The following DPP10 variants were observed in gnomAD, a reference collection of about 807,000 sequenced individuals.
DPP10 encodes the protein dipeptidyl peptidase like 10.
In DPP10, 33 loss-of-function variants were observed where a neutral mutation model predicts 120.9. That is an observed-to-expected ratio of 0.27 (90% CI 0.21 to 0.37). DPP10 has a LOEUF of 0.37. Among genes scored for constraint, DPP10 ranks in the 10% least tolerant of loss-of-function variants. DPP10 has a pLI of 1.00. For synonymous variants in DPP10, 337 were observed against 326.1 expected, an observed-to-expected ratio of 1.03 and a Z score of -0.36; for missense variants, 816 against 942.8, an observed-to-expected ratio of 0.87 and a Z score of 1.76.
intron 2 of DPP10, among the ~76,000 whole-genome samples, chr2:115,338,759 A>G (rs1467004015): frequency 2.0e-5 from 3 of 152,238 alleles, no homozygotes; most frequent in Non-Finnish European, 4.4e-5. Context: ...ACAAAACTTC[A>G]TATTAAGCCT....
chr2:115,091,888 G>T (rs1313211886), intron 1 of DPP10, among the ~76,000 whole-genome samples: 1 of 152,150 alleles, frequency 6.6e-6, no homozygotes, highest in African/African-American at 2.4e-5. Flanking sequence ...GCTGAAAATA[G>T]TCACAGTGGA....
Position 115,519,448 on chromosome 2 carries a change from T to C in DPP10, c.367-6450T>C, listed in dbSNP as rs141486307. 7.4e-3 allele frequency among the ~76,000 whole-genome samples: 1,125 copies of C among 152,248 alleles called. 6 individuals are homozygous for C. The highest frequency in any genetic ancestry group is 0.025 in the African/African-American group (1,031 of 41,552). On this transcript the variant is annotated intron_variant, in intron 4 of 25. Coordinates refer to ENST00000410059, the MANE Select transcript of DPP10 (RefSeq NM_020868.6). ...ATATATAGAGAGAGCATCTATTATG[T>C]TTACAAAATATAGATATTGCAGATG...
intron 15 of DPP10, among the ~76,000 whole-genome samples, chr2:115,778,722 C>T (rs371472775): frequency 7.9e-5 from 12 of 152,030 alleles, no homozygotes; most frequent in African/African-American, 2.7e-4. Flanking sequence ...TAAAGTACCC[C>T]GACTTCCTCT....
chr2:114,947,238 C>T (rs1477297071), intron 1 of DPP10, among the ~76,000 whole-genome samples: 1 of 151,828 alleles, frequency 6.6e-6, no homozygotes, highest in African/African-American at 2.4e-5. Flanking sequence ...GATTGTTGTT[C>T]CTTTATGTTA....
chr2:115,155,066 TA>T (rs201829547), intron 1 of DPP10, among the ~76,000 whole-genome samples: 35 of 148,984 alleles, frequency 2.3e-4, no homozygotes, highest in African/African-American at 4.5e-4. Flanking sequence ...TAATTTTATT[TA>T]TTTTTTTTTT....
intron 1 of DPP10, among the ~76,000 whole-genome samples, chr2:115,133,541 TA>T (rs1287705221): frequency 6.6e-6 from 1 of 152,136 alleles, no homozygotes; most frequent in Non-Finnish European, 1.5e-5. Flanking sequence ...ATGGAGTACT[TA>T]ATGCCAAAAA....
At chr2:115,147,900 A>G (rs1228996155) in intron 1 of DPP10, among the ~76,000 whole-genome samples, 5 of 152,160 alleles carry the variant, frequency 3.3e-5, no homozygotes, top group African/African-American at 9.7e-5. Flanking sequence ...TTTTTGGTAG[A>G]TAGGGAAACC....
At chr2:114,728,106 A>G (rs1321558939) in intron 1 of DPP10, among the ~76,000 whole-genome samples, 2 of 152,298 alleles carry the variant, frequency 1.3e-5, no homozygotes, top group African/African-American at 4.8e-5. Context: ...AAAGACTTAG[A>G]ACAGTGTAGA....
intron 5 of DPP10, among the ~76,000 whole-genome samples, chr2:115,639,390 A>G (rs898752936): frequency 1.3e-5 from 2 of 152,188 alleles, no homozygotes; most frequent in Non-Finnish European, 2.9e-5. Context: ...ACCTAGGACA[A>G]TTAGGAAGTA....
chr2:115,370,628 A>T (rs946502214), intron 3 of DPP10, among the ~76,000 whole-genome samples: 11 of 152,166 alleles, frequency 7.2e-5, no homozygotes, highest in African/African-American at 2.4e-4. Context: ...ATTTAAACAA[A>T]CAAGGACTCC....
At chr2:115,565,207 A>G (rs1170289692) in intron 5 of DPP10, among the ~76,000 whole-genome samples, 1 of 152,172 alleles carries the variant, frequency 6.6e-6, no homozygotes, top group Admixed American at 6.5e-5. Context: ...ATGTTTTGAA[A>G]CTGTTGAATT....
At chr2:115,282,012 T>A (rs1456176849) in intron 1 of DPP10, among the ~76,000 whole-genome samples, 1 of 152,078 alleles carries the variant, frequency 6.6e-6, no homozygotes, top group Non-Finnish European at 1.5e-5. Flanking sequence ...TGGAGTATAT[T>A]CATTACTTTA....
At chr2:114,592,375 C>T (rs1691535536) in intron 1 of DPP10, among the ~76,000 whole-genome samples, 1 of 152,084 alleles carries the variant, frequency 6.6e-6, no homozygotes, top group Admixed American at 6.5e-5. Flanking sequence ...ATTGCTTGGT[C>T]ACATGAATTT....
chr2:115,476,413 A>G (rs779124397), intron 3 of DPP10, among the ~76,000 whole-genome samples: 8 of 152,122 alleles, frequency 5.3e-5, no homozygotes, highest in South Asian at 2.1e-4. Context: ...TGTACAGCCT[A>G]TAGAACTATG....
At chr2:114,931,621 A>C (rs1458205439) in intron 1 of DPP10, among the ~76,000 whole-genome samples, 2 of 152,246 alleles carry the variant, frequency 1.3e-5, no homozygotes, top group Admixed American at 6.5e-5. Context: ...CATCCAAACT[A>C]TAGCACTGGG....
intron 7 of DPP10, among the ~76,000 whole-genome samples, chr2:115,717,723 A>G (rs2092540140): frequency 6.6e-6 from 1 of 152,202 alleles, no homozygotes; most frequent in Non-Finnish European, 1.5e-5. Context: ...TGTGTTCAGG[A>G]AAATCTGATG....
At chr2:115,144,826 T>A (rs1408662767) in intron 1 of DPP10, 3 of 151,808 alleles carry the variant, frequency 2.0e-5, no homozygotes, top group South Asian at 2.1e-4. Context: ...AATAAAAAAA[T>A]AAAATAAAAT....
intron 1 of DPP10, among the ~76,000 whole-genome samples, chr2:114,576,904 T>C (rs988447323): frequency 1.7e-4 from 26 of 151,872 alleles, no homozygotes; most frequent in Middle Eastern, 3.2e-3. Context: ...TGTTTTTTCA[T>C]AGAAGGATGA....
chr2:115,431,031 T>G (rs1272098195), intron 3 of DPP10, among the ~76,000 whole-genome samples: 2 of 152,228 alleles, frequency 1.3e-5, no homozygotes, highest in African/African-American at 4.8e-5. Flanking sequence ...TAAACAGATA[T>G]GATACTAGCT....
Sources: allele counts gnomAD v4.1 joint callset (sites outside exome capture counted in the v4.1 genomes callset), GRCh38; gene constraint gnomAD v4.1.1; transcripts MANE v1.5; gene names NCBI Gene and HGNC (gene_info 2026-07-23, HGNC 2026-07-21).